Variants in TARS1 observed in about 807,000 individuals in gnomAD.
TARS1 encodes the protein threonine--tRNA ligase 1, cytoplasmic.
A neutral mutation model predicts 97.7 loss-of-function variants in TARS1; 57 were observed. The observed-to-expected ratio is 0.58, with a 90% CI of 0.47 to 0.73. The LOEUF (loss-of-function observed/expected upper bound fraction) is 0.73, where lower values mean the gene tolerates loss of function less well. Ranked by LOEUF, TARS1 falls within the 30% of genes least tolerant of loss-of-function variation. TARS1 has a pLI of 0.00. For missense variants in TARS1, 806 were observed against 888.3 expected (o/e 0.91, Z 1.18); for synonymous variants, 312 against 293.7 (o/e 1.06, Z -0.64).
chr5:33,447,023 C>T (rs1031933057), intron 2 of TARS1, among the ~76,000 whole-genome samples: 2 of 152,174 alleles, frequency 1.3e-5, no homozygotes, highest in Admixed American at 1.3e-4. Context: ...TGGTAGGAAC[C>T]AATCACTTGA....
intron 16 of TARS1, among the ~76,000 whole-genome samples, chr5:33,462,807 C>T (rs916885356): frequency 6.6e-6 from 1 of 152,158 alleles, no homozygotes; most frequent in Non-Finnish European, 1.5e-5. Flanking sequence ...TAAAAGCACC[C>T]GTGTGTAGAG....
intron 4 of TARS1, among the ~76,000 whole-genome samples, 193 bp from the exon 5 acceptor site, chr5:33,454,752 A>T (rs1480908483): frequency 5.6e-5 from 6 of 107,722 alleles, no homozygotes; most frequent in Admixed American, 5.5e-4. Flanking sequence ...ATAAAAATAC[A>T]CTAGTAATTG....
At chr5:33,462,452 C>G (rs1351593631) in intron 16 of TARS1, among the ~76,000 whole-genome samples, 1 of 152,142 alleles carries the variant, frequency 6.6e-6, no homozygotes, top group Non-Finnish European at 1.5e-5. Context: ...GTAATACTTT[C>G]TAATTAGGAA....
At chr5:33,454,798 C>G (rs1579584074) in intron 4 of TARS1, 147 bp from the exon 5 acceptor site, 2 of 970,376 alleles carry the variant, frequency 2.1e-6, no homozygotes, top group East Asian at 5.9e-5. Flanking sequence ...TGGATAGAAA[C>G]AGTAGTTTAT....
Position 33,456,058 on chromosome 5 carries a change from A to G in TARS1, c.750A>G (p.Thr250=), listed in dbSNP as rs1486249053. 2 of 1,613,820 alleles carry G rather than the reference A, an allele frequency of 1.2e-6. No homozygotes were observed. The highest frequency in any genetic ancestry group is 1.7e-4 in the Middle Eastern group (1 of 6,054). The change falls in exon 7 of 19, where the codon ACA becomes ACG. Residue 250 remains threonine, a synonymous_variant. Transcript: ENST00000265112. ...LNEKVNTPTT[T]VYRCGPLIDL... Reference sequence around the variant, plus strand: ...AAAAGGTGAATACTCCAACTACCACAGTCTATAGGTAAGAATATTAGATGT... The same window carrying G: ...AAAAGGTGAATACTCCAACTACCACGGTCTATAGGTAAGAATATTAGATGT...
Position 33,446,577 on chromosome 5 carries a change from CT to C in TARS1, c.138+1174del, listed in dbSNP as rs11356243. ...TCTGGAAAAAAGAGTGTACAGTGAA[CT>C]GTCCAAGACCTTGGTCTTCCCCTCC... On this transcript the variant is annotated intron_variant, in intron 2 of 18. Coordinates refer to ENST00000265112, the MANE Select transcript of TARS1 (RefSeq NM_152295.5). 4,058 of 706,228 alleles carry C rather than the reference CT, an allele frequency of 5.7e-3. 125 individuals carry two copies. In the African/African-American group the frequency reaches 0.067, roughly 12 times the overall value. The allele number at this position is 706,228 out of a possible 1,614,324, so 43.7% of individuals were successfully genotyped here.
At chr5:33,456,490 A>G (rs935717622) in intron 8 of TARS1, among the ~76,000 whole-genome samples, 7 of 152,230 alleles carry the variant, frequency 4.6e-5, no homozygotes, top group Admixed American at 4.6e-4. Flanking sequence ...TCCTGGCTCT[A>G]TAAAAGCTTT....
At chr5:33,458,102 C>T (rs1561075589) in intron 9 of TARS1, among the ~76,000 whole-genome samples, 1 of 152,146 alleles carries the variant, frequency 6.6e-6, no homozygotes, top group African/African-American at 2.4e-5. Flanking sequence ...TTTCTTTCAC[C>T]ATGACCCAAA....
At chr5:33,467,483 T>C in intron 18 of TARS1, 77 bp from the exon 19 acceptor site, 1 of 1,535,388 alleles carries the variant, frequency 6.5e-7, no homozygotes. Context: ...CCTAGGATCA[T>C]TTCTTTTCAG....
intron 2 of TARS1, among the ~76,000 whole-genome samples, chr5:33,445,842 A>ACCTG (rs1741384606): frequency 6.6e-6 from 1 of 152,152 alleles, no homozygotes; most frequent in Non-Finnish European, 1.5e-5. Context: ...TTCCATCTGG[A>ACCTG]CCTGCCCTAG....
In TARS1 at chr5:33,455,716, C is replaced by CAT; in HGVS notation, c.693+14_693+15dup. 2 of 1,537,150 alleles carry CAT rather than the reference C, an allele frequency of 1.3e-6. No individual in the cohort carries two copies. The highest frequency in any genetic ancestry group is 1.8e-6 in the Non-Finnish European group (2 of 1,111,882). On this transcript the variant is annotated intron_variant, in intron 6 of 18. Transcript: ENST00000265112. ...TGGCAATGTTTAAGGTAAATTGAAC[C>CAT]ATAGTGCGTGGCCCCCACTGTTAAT...
chr5:33,454,476 G>A (rs1655064119), intron 4 of TARS1, among the ~76,000 whole-genome samples: 1 of 152,142 alleles, frequency 6.6e-6, no homozygotes, highest in African/African-American at 2.4e-5. Context: ...GTGTTGTGGG[G>A]TCGGGTTGTA....
chr5:33,444,707 A>C (rs1191002353), intron 1 of TARS1, among the ~76,000 whole-genome samples: 1 of 152,234 alleles, frequency 6.6e-6, no homozygotes, highest in African/African-American at 2.4e-5. Context: ...CACATAGGAC[A>C]CATTTCCTGT....
At position 33,465,326 on chromosome 5, in the gene TARS1, T is replaced by G. The variant is rs555906152; in HGVS notation, c.1908+1501T>G. Among the ~76,000 whole-genome samples, 4 of 152,272 alleles carry G rather than the reference T, an allele frequency of 2.6e-5. No homozygotes were observed. In the South Asian group the frequency reaches 6.2e-4, roughly 24 times the overall value. ...CAGCACTGACTTCCCCATTTCCCTTTGCGGGTAGGTGGCATTCCAGATTAT... is the reference window on the plus strand; with the variant it reads ...CAGCACTGACTTCCCCATTTCCCTTGGCGGGTAGGTGGCATTCCAGATTAT... On this transcript the variant is annotated intron_variant, in intron 17 of 18. Coordinates refer to ENST00000265112, the MANE Select transcript of TARS1 (RefSeq NM_152295.5).
At chr5:33,461,834 G>C in intron 14 of TARS1, 72 bp from the exon 15 acceptor site, 1 of 1,587,920 alleles carries the variant, frequency 6.3e-7, no homozygotes, top group Non-Finnish European at 8.6e-7. Context: ...AAGAAAATCA[G>C]CCCTAATCCA....
intron 13 of TARS1, among the ~76,000 whole-genome samples, 175 bp from the exon 14 acceptor site, chr5:33,461,492 T>C (rs1742288734): frequency 6.6e-6 from 1 of 152,242 alleles, no homozygotes; most frequent in Non-Finnish European, 1.5e-5. Flanking sequence ...TTTTTTCAGT[T>C]ATCAAGCTAT....
At position 33,461,267 on chromosome 5, in the gene TARS1, A is replaced by G. The variant is rs764680718; in HGVS notation, c.1523A>G (p.Asp508Gly). 6.2e-7 allele frequency: 1 copy of G among 1,612,992 alleles called. No individual in the cohort carries two copies. Among genetic ancestry groups the G allele is most frequent in the Non-Finnish European group, 8.5e-7 (1 of 1,179,776 alleles). ...LSTRPEKFLG[D>G]IEVWDQAEKQ... Reference sequence around the variant, plus strand: ...ACTCGCCCGGAAAAATTCCTTGGAGATATCGAAGTATGGGATCAAGCTGAG... The same window carrying G: ...ACTCGCCCGGAAAAATTCCTTGGAGGTATCGAAGTATGGGATCAAGCTGAG... The change falls in exon 13 of 19, where the codon GAT becomes GGT. Residue 508 changes from aspartate (D) to glycine (G), a missense_variant. Asp to Gly is a moderately conservative substitution (Grantham distance 94, BLOSUM62 -1). Coordinates refer to ENST00000265112, the MANE Select transcript of TARS1 (RefSeq NM_152295.5).
chr5:33,442,320 CTTTTTTT>C lies in TARS1; in HGVS notation c.57+1193_57+1199del, dbSNP rs763508345. Among the ~76,000 whole-genome samples, 218 of 104,610 alleles carry C rather than the reference CTTTTTTT, an allele frequency of 2.1e-3. 2 individuals are homozygous for C. The highest frequency in any genetic ancestry group is 5.6e-3 in the African/African-American group (157 of 27,962). The allele number at this position is 104,610 out of a possible 152,430, so 68.6% of individuals were successfully genotyped here. On this transcript the variant is annotated intron_variant, in intron 1 of 18. Coordinates refer to ENST00000265112, the MANE Select transcript of TARS1 (RefSeq NM_152295.5). ...AAATGATATTTTTACTGTTTTGTAACTTTTTTTTTTTTTTTTTTTTTTGCTTAATAGA... is the reference window on the plus strand; with the variant it reads ...AAATGATATTTTTACTGTTTTGTAACTTTTTTTTTTTTTTTGCTTAATAGA...
upstream of TARS1, chr5:33,440,712 A>G (rs777044993): frequency 7.0e-6 from 3 of 431,508 alleles, no homozygotes; most frequent in African/African-American, 2.0e-5. Context: ...GTTCCACATA[A>G]AGTCAGAAGG....
Sources: gnomAD v4.1 joint callset for allele counts (sites outside exome capture counted in the v4.1 genomes callset) on GRCh38, gnomAD v4.1.1 for gene constraint, MANE v1.5 for transcripts, NCBI Gene and HGNC (gene_info 2026-07-23, HGNC 2026-07-21) for gene names.